Variants in TMC5 observed in about 807,000 individuals in gnomAD.
The protein encoded by TMC5 is transmembrane channel-like protein 5.
In TMC5, 86 loss-of-function variants were observed where a neutral mutation model predicts 110.5. That is an observed-to-expected ratio of 0.78 (90% confidence interval 0.65 to 0.93). The LOEUF (loss-of-function observed/expected upper bound fraction) is 0.93. Ranked by LOEUF, TMC5 falls within the 40% of genes least tolerant of loss-of-function variation. TMC5 has a pLI of 0.00. For missense variants in TMC5, 1,144 were observed against 1,222.8 expected, an observed-to-expected ratio of 0.94 and a Z score of 0.96; for synonymous variants, 455 against 439.5, an observed-to-expected ratio of 1.04 and a Z score of -0.44.
chr16:19,478,384 A>G (rs1567321538), intron 13 of TMC5, among the ~76,000 whole-genome samples: 2 of 152,142 alleles, frequency 1.3e-5, no homozygotes, highest in East Asian at 3.9e-4. Flanking sequence ...TCTCTCCCTA[A>G]TTGTCGAAGA....
At chr16:19,457,706 A>ATTATTTTTT in intron 5 of TMC5, among the ~76,000 whole-genome samples, 1 of 41,078 alleles carries the variant, frequency 2.4e-5, no homozygotes, top group Non-Finnish European at 8.0e-5. Context: ...CCAAGACTAC[A>ATTATTTTTT]TTCTTTTTTT....
chr16:19,434,818 A>AT (rs1967305169), intron 2 of TMC5, among the ~76,000 whole-genome samples: 1 of 152,128 alleles, frequency 6.6e-6, no homozygotes, highest in Admixed American at 6.6e-5. Flanking sequence ...TCCTTACAAC[A>AT]ATCCTATGAG....
At chr16:19,481,247 A>G (rs573597669) in intron 14 of TMC5, 123 bp from the exon 15 acceptor site, 47 of 718,920 alleles carry the variant, frequency 6.5e-5, no homozygotes, top group African/African-American at 1.6e-4. Context: ...AAAAATTTTC[A>G]AGGGAACTTA....
intron 1 of TMC5, among the ~76,000 whole-genome samples, chr16:19,425,327 CTTTT>C (rs35472194): frequency 3.2e-5 from 4 of 124,544 alleles, no homozygotes; most frequent in South Asian, 2.7e-4. Context: ...GTTGAGTTTG[CTTTT>C]TTTTTTTTTT....
chr16:19,463,976 C>A lies in TMC5; in HGVS notation c.1437C>A (p.Ala479=), dbSNP rs754052362. The A allele has an allele frequency of 6.2e-7, 1 of 1,614,080 alleles. No individual in the cohort carries two copies. Among genetic ancestry groups the A allele is most frequent in the Non-Finnish European group, 8.5e-7 (1 of 1,180,004 alleles). Residue 479 remains alanine, a synonymous_variant, in exon 8 of 22, where the codon GCC becomes GCA. Transcript: ENST00000542583. The stretch of plus-strand genomic sequence containing the variant: ...TCATAATCCCTCAGTTTACCGTGGC[C>A]AAAAAGAACACCCTCCAGTTCACTG... ...SFIIIPQFTV[A]KKNTLQFTGL...
intron 4 of TMC5, among the ~76,000 whole-genome samples, chr16:19,444,834 T>A (rs1490572987): frequency 6.6e-6 from 1 of 152,140 alleles, no homozygotes; most frequent in African/African-American, 2.4e-5. Context: ...AAGTGCCACA[T>A]CAAGACTAAA....
At chr16:19,434,445 CTATT>C (rs1967293142) in intron 2 of TMC5, among the ~76,000 whole-genome samples, 1 of 113,758 alleles carries the variant, frequency 8.8e-6, no homozygotes, top group East Asian at 2.6e-4. Context: ...TCATATATAT[CTATT>C]ATATATCTAT....
chr16:19,437,864 G>A (rs1248166439), intron 2 of TMC5, among the ~76,000 whole-genome samples: 1 of 152,154 alleles, frequency 6.6e-6, no homozygotes, highest in African/African-American at 2.4e-5. Flanking sequence ...AGCCACCCCA[G>A]TGAAATAAGA....
intron 9 of TMC5, among the ~76,000 whole-genome samples, chr16:19,468,480 C>CG (rs1440132321): frequency 6.6e-6 from 1 of 152,106 alleles, no homozygotes; most frequent in Non-Finnish European, 1.5e-5. Context: ...CCCCCGACCC[C>CG]CCCCAGAGAA....
rs1473496895 is a variant in TMC5 at position 19,497,275 on chromosome 16, A to G, written c.2974+112A>G. The G allele has an allele frequency of 1.5e-5, 18 of 1,165,054 alleles. No homozygotes were observed. In the East Asian group the frequency reaches 4.1e-4, roughly 26 times the overall value. The allele number at this position is 1,165,054 out of a possible 1,614,324, so 72.2% of individuals were successfully genotyped here. Reference sequence around the variant, plus strand: ...CATTACTTTTTCAGTTGCAAATTGGATCCAAACTGGCTTAAACAAAATTCC... The same window carrying G: ...CATTACTTTTTCAGTTGCAAATTGGGTCCAAACTGGCTTAAACAAAATTCC... On this transcript the variant is annotated intron_variant, in intron 21 of 21. Transcript: ENST00000542583.
intron 18 of TMC5, among the ~76,000 whole-genome samples, chr16:19,490,886 C>CT (rs1968879297): frequency 7.9e-6 from 1 of 127,346 alleles, no homozygotes; most frequent in African/African-American, 2.8e-5. Flanking sequence ...TCCTTCCTTC[C>CT]TTCTTTCTCC....
chr16:19,483,654 T>C (rs1405574543), intron 15 of TMC5, among the ~76,000 whole-genome samples: 1 of 152,060 alleles, frequency 6.6e-6, no homozygotes, highest in South Asian at 2.1e-4. Flanking sequence ...GGTGCATGCC[T>C]GTAATCCCAG....
intron 19 of TMC5, among the ~76,000 whole-genome samples, chr16:19,492,695 C>CT (rs1279600344): frequency 6.6e-6 from 1 of 151,584 alleles, no homozygotes; most frequent in Non-Finnish European, 1.5e-5. Flanking sequence ...ATCCACCTGC[C>CT]TCCCAAAGTG....
At chr16:19,450,575 T>C (rs1290035679) in intron 5 of TMC5, among the ~76,000 whole-genome samples, 1 of 151,682 alleles carries the variant, frequency 6.6e-6, no homozygotes, top group African/African-American at 2.4e-5. Context: ...AGTCAGGACT[T>C]GTCCACAGGC....
At chr16:19,411,927 A>G (rs1161029162) in intron 1 of TMC5, among the ~76,000 whole-genome samples, 1 of 152,242 alleles carries the variant, frequency 6.6e-6, no homozygotes, top group African/African-American at 2.4e-5. Context: ...GGTGGTCTGT[A>G]GAGGAGTCTG....
At position 19,487,310 on chromosome 16, in the gene TMC5, G is replaced by A. The variant is rs2143733518; in HGVS notation, c.2557G>A (p.Ala853Thr). ...PSFTGVLCTL[A>T]ITIWRLKPSA... ...CTTCACCGGGGTCTTGTGCACCCTG[G>A]CCATCACCATCTGGAGGTAGGAGAA... The change falls in exon 17 of 22, where the codon GCC becomes ACC. Residue 853 changes from alanine (A) to threonine (T), a missense_variant. Transcript: ENST00000542583. 2 of 1,613,736 alleles carry A rather than the reference G, an allele frequency of 1.2e-6. No homozygotes were observed. Among genetic ancestry groups the A allele is most frequent in the East Asian group, 4.5e-5 (2 of 44,872 alleles).
In TMC5 at chr16:19,487,075, G is replaced by C; in HGVS notation, c.2439+55G>C. ...GCTTTGTTCAGTCACCTGTGACCTG[G>C]TGGCGCTTAAAGCTGGGGAAGGGGG... On this transcript the variant is annotated intron_variant, in intron 16 of 21. Transcript: ENST00000542583. The C allele has an allele frequency of 2.5e-6, 4 of 1,610,578 alleles. No individual in the cohort carries two copies. In the South Asian group the frequency reaches 4.4e-5, roughly 18 times the overall value.
At chr16:19,463,127 G>T (rs1185816655) in intron 6 of TMC5, among the ~76,000 whole-genome samples, 153 bp from the exon 7 acceptor site, 1 of 151,970 alleles carries the variant, frequency 6.6e-6, no homozygotes, top group African/African-American at 2.4e-5. Context: ...CCACTATTTT[G>T]CTCAGGCTGG....
At chr16:19,480,193 C>T (rs1164440501) in intron 14 of TMC5, among the ~76,000 whole-genome samples, 2 of 152,070 alleles carry the variant, frequency 1.3e-5, no homozygotes, top group African/African-American at 4.8e-5. Flanking sequence ...CATGTCAGTA[C>T]ATGTAGATTT....
Sources: allele counts gnomAD v4.1 joint callset (sites outside exome capture counted in the v4.1 genomes callset), GRCh38; gene constraint gnomAD v4.1.1; transcripts MANE v1.5; gene names NCBI Gene and HGNC (gene_info 2026-07-23, HGNC 2026-07-21).